Variants in DAB1 observed in about 807,000 individuals in gnomAD.
DAB1 encodes the protein disabled homolog 1.
Under a neutral mutation model 64.6 loss-of-function variants are expected in DAB1, and 15 were observed. That is an observed-to-expected ratio of 0.23 (90% CI 0.16 to 0.36). The LOEUF is 0.36. Among genes scored for constraint, DAB1 ranks in the 10% least tolerant of loss-of-function variants. The pLI is 1.00. For synonymous variants in DAB1, 235 were observed against 251.9 expected, an observed-to-expected ratio of 0.93 and a Z score of 0.64; for missense variants, 596 against 706.7, an observed-to-expected ratio of 0.84 and a Z score of 1.78.
chr1:58,387,237 C>G (rs747671123), intron 3 of DAB1, among the ~76,000 whole-genome samples: 2 of 152,186 alleles, frequency 1.3e-5, no homozygotes, highest in African/African-American at 2.4e-5. Flanking sequence ...AAAGGTTCCC[C>G]TCCACTCTCT....
chr1:57,698,112 G>A (rs1342217460), intron 6 of DAB1, among the ~76,000 whole-genome samples: 1 of 150,352 alleles, frequency 6.7e-6, no homozygotes. Flanking sequence ...TTTAGACAGG[G>A]TCTTGTTCTG....
At chr1:58,300,650 AAGGAAGG>A (rs1557726372) in intron 4 of DAB1, among the ~76,000 whole-genome samples, 28 of 47,394 alleles carry the variant, frequency 5.9e-4, no homozygotes, top group African/African-American at 9.0e-4. Context: ...GAGAGAGAGG[AAGGAAGG>A]AAGGAAGGAA....
chr1:57,701,619 A>G (rs1646908918), intron 6 of DAB1, among the ~76,000 whole-genome samples: 1 of 152,046 alleles, frequency 6.6e-6, no homozygotes, highest in South Asian at 2.1e-4. Context: ...GGTGCAGCAC[A>G]CCAACATGGC....
At chr1:57,878,913 A>C (rs1644097626) in intron 1 of DAB1, 1 of 152,286 alleles carries the variant, frequency 6.6e-6, no homozygotes, top group South Asian at 2.1e-4. Context: ...CATACGAGTA[A>C]GAACATGTGA....
chr1:58,537,441 C>T (rs1646535291), intron 1 of DAB1, among the ~76,000 whole-genome samples: 1 of 152,076 alleles, frequency 6.6e-6, no homozygotes, highest in African/African-American at 2.4e-5. Context: ...CTCTTTACAA[C>T]GTGAAAAAGG....
chr1:58,419,198 T>A (rs998258603), intron 3 of DAB1, among the ~76,000 whole-genome samples: 5 of 152,182 alleles, frequency 3.3e-5, no homozygotes, highest in African/African-American at 7.2e-5. Flanking sequence ...AACCTCCCCA[T>A]GAGTTCCTTG....
intron 5 of DAB1, among the ~76,000 whole-genome samples, chr1:57,964,525 T>C (rs1285654150): frequency 6.6e-6 from 1 of 152,192 alleles, no homozygotes; most frequent in Non-Finnish European, 1.5e-5. Context: ...CCTATTTCAG[T>C]ACAGAGAGTA....
intron 5 of DAB1, among the ~76,000 whole-genome samples, chr1:57,988,217 T>C (rs1023719090): frequency 3.9e-5 from 6 of 152,106 alleles, no homozygotes; most frequent in African/African-American, 9.7e-5. Flanking sequence ...CAGACTGAGC[T>C]TGCCAGGGAA....
chr1:57,099,970 G>A (rs1020502135), intron 4 of DAB1, among the ~76,000 whole-genome samples: 4 of 152,174 alleles, frequency 2.6e-5, no homozygotes, highest in Non-Finnish European at 4.4e-5. Flanking sequence ...CAGGCAAATG[G>A]TGCTGATAGA....
intron 7 of DAB1, among the ~76,000 whole-genome samples, chr1:57,637,955 T>C (rs1646077448): frequency 6.6e-6 from 1 of 152,206 alleles, no homozygotes; most frequent in South Asian, 2.1e-4. Context: ...ATTCAGTTGT[T>C]TACAATGATT....
chr1:57,737,053 G>T (rs1364441466), intron 6 of DAB1, among the ~76,000 whole-genome samples: 2 of 152,208 alleles, frequency 1.3e-5, no homozygotes, highest in Non-Finnish European at 2.9e-5. Flanking sequence ...AGCCAGGATA[G>T]AGCTGCAGCT....
chr1:57,193,345 C>T (rs1664308698), intron 2 of DAB1, among the ~76,000 whole-genome samples: 1 of 145,718 alleles, frequency 6.9e-6, no homozygotes, highest in Admixed American at 6.9e-5. Context: ...GCTTATTTCA[C>T]TTACGTAATG....
chr1:58,078,284 G>C (rs1324353374), intron 5 of DAB1, among the ~76,000 whole-genome samples: 2 of 152,200 alleles, frequency 1.3e-5, no homozygotes, highest in Non-Finnish European at 2.9e-5. Context: ...TTGGGCTAGA[G>C]AATTCTTTGA....
chr1:58,372,370 T>C (rs1644272466), intron 3 of DAB1, among the ~76,000 whole-genome samples: 1 of 152,182 alleles, frequency 6.6e-6, no homozygotes, highest in Non-Finnish European at 1.5e-5. Context: ...CCATTTAGAA[T>C]GGGAGCACTT....
chr1:58,115,623 T>A, intron 5 of DAB1, among the ~76,000 whole-genome samples: 2 of 27,674 alleles, frequency 7.2e-5, no homozygotes, highest in Non-Finnish European at 1.3e-4. Context: ...ATTAAGAAAA[T>A]GTGGCACATA....
chr1:57,350,427 C>G (rs1678488189), intron 1 of DAB1, among the ~76,000 whole-genome samples: 1 of 152,128 alleles, frequency 6.6e-6, no homozygotes, highest in Non-Finnish European at 1.5e-5. Context: ...TGTGTAGTAA[C>G]AAACCATATG....
At chr1:57,534,586 G>A (rs144042957) in intron 7 of DAB1, among the ~76,000 whole-genome samples, 41 of 152,280 alleles carry the variant, frequency 2.7e-4, no homozygotes, top group Admixed American at 7.2e-4. Flanking sequence ...GAGAGCCCAC[G>A]CTGTGAAGTA....
intron 7 of DAB1, among the ~76,000 whole-genome samples, chr1:57,501,436 C>G (rs1190363331): frequency 1.1e-4 from 16 of 152,276 alleles, no homozygotes; most frequent in Admixed American, 1.0e-3. Flanking sequence ...CACCTAAACA[C>G]CCAATAGAGG....
At chr1:57,932,392 A>C (rs1399587548) in intron 5 of DAB1, among the ~76,000 whole-genome samples, 1 of 151,930 alleles carries the variant, frequency 6.6e-6, no homozygotes, top group Non-Finnish European at 1.5e-5. Context: ...GTTCTTACTA[A>C]ATTTTTGCCT....
Sources: allele counts gnomAD v4.1 joint callset (sites outside exome capture counted in the v4.1 genomes callset), GRCh38; gene constraint gnomAD v4.1.1; transcripts MANE v1.5; gene names NCBI Gene and HGNC (gene_info 2026-07-23, HGNC 2026-07-21).